The following AGBL1 variants were observed in gnomAD, a reference collection of about 807,000 sequenced individuals.
The protein encoded by AGBL1 is AGBL carboxypeptidase 1.
A neutral mutation model predicts 118.9 loss-of-function variants in AGBL1; 130 were observed. That is an observed-to-expected ratio of 1.09 (90% CI 0.95 to 1.26). AGBL1 has a LOEUF of 1.26. Among genes scored for constraint, AGBL1 ranks in the 50% most tolerant of loss-of-function variants. The pLI is 0.00. For missense variants in AGBL1, 1,584 were observed against 1,298.1 expected, an observed-to-expected ratio of 1.22 and a Z score of -3.38; for synonymous variants, 555 against 478.9, an observed-to-expected ratio of 1.16 and a Z score of -2.08.
At chr15:86,847,592 A>G (rs972482355) in intron 22 of AGBL1, among the ~76,000 whole-genome samples, 5 of 152,198 alleles carry the variant, frequency 3.3e-5, no homozygotes, top group South Asian at 2.1e-4. Flanking sequence ...TAATTAAACA[A>G]TGATGTTTGA....
intron 1 of AGBL1, among the ~76,000 whole-genome samples, chr15:86,114,872 G>A (rs1897658408): frequency 1.3e-5 from 2 of 152,166 alleles, no homozygotes; most frequent in Admixed American, 6.5e-5. Context: ...TTCACTTGGA[G>A]CCTCGTTCTG....
chr15:86,634,366 G>A (rs1474973495), intron 21 of AGBL1, among the ~76,000 whole-genome samples: 2 of 152,108 alleles, frequency 1.3e-5, no homozygotes, highest in African/African-American at 2.4e-5. Context: ...TCCATAGGGT[G>A]GATTTGATGG....
At chr15:86,633,166 C>A (rs1343278525) in intron 21 of AGBL1, among the ~76,000 whole-genome samples, 1 of 151,984 alleles carries the variant, frequency 6.6e-6, no homozygotes, top group Non-Finnish European at 1.5e-5. Context: ...ATCTGACTAC[C>A]ATTTAATACT....
intron 5 of AGBL1, among the ~76,000 whole-genome samples, chr15:86,216,744 GTCT>G (rs1326204189): frequency 1.3e-5 from 2 of 152,146 alleles, no homozygotes; most frequent in African/African-American, 4.8e-5. Flanking sequence ...TGTCAGAGAA[GTCT>G]TCTTAAAACA....
chr15:86,357,371 C>G (rs958096314), intron 17 of AGBL1, among the ~76,000 whole-genome samples: 3 of 152,188 alleles, frequency 2.0e-5, no homozygotes, highest in African/African-American at 7.2e-5. Context: ...GGATGCTGTA[C>G]AGAGAATTAT....
chr15:86,416,787 A>G (rs1003132418), intron 18 of AGBL1, among the ~76,000 whole-genome samples: 4 of 152,196 alleles, frequency 2.6e-5, no homozygotes, highest in Admixed American at 2.6e-4. Context: ...AATAGTATTG[A>G]GAATCATTTT....
intron 16 of AGBL1, among the ~76,000 whole-genome samples, chr15:86,282,160 A>T (rs1317726687): frequency 6.6e-6 from 1 of 152,120 alleles, no homozygotes; most frequent in African/African-American, 2.4e-5. Context: ...TTTGCAATTG[A>T]TAAATAACTC....
chr15:86,361,326 A>G (rs1325730968), intron 17 of AGBL1, among the ~76,000 whole-genome samples: 2 of 152,056 alleles, frequency 1.3e-5, no homozygotes, highest in Admixed American at 1.3e-4. Context: ...AATAATTACA[A>G]TCTTCTTGAA....
intron 18 of AGBL1, among the ~76,000 whole-genome samples, chr15:86,479,952 G>A (rs968851490): frequency 6.6e-6 from 1 of 152,124 alleles, no homozygotes; most frequent in African/African-American, 2.4e-5. Flanking sequence ...GGATGAAGCT[G>A]GAAACCATCA....
chr15:86,133,568 G>A (rs1178854393), intron 1 of AGBL1, among the ~76,000 whole-genome samples: 1 of 152,198 alleles, frequency 6.6e-6, no homozygotes, highest in Non-Finnish European at 1.5e-5. Flanking sequence ...ACCTAGCGCA[G>A]TTCCTGGTAC....
chr15:86,720,404 T>C (rs1289573224), intron 22 of AGBL1, among the ~76,000 whole-genome samples: 1 of 152,238 alleles, frequency 6.6e-6, no homozygotes, highest in Non-Finnish European at 1.5e-5. Context: ...AACCAACTTA[T>C]TTTTGTTCTT....
Position 86,178,979 on chromosome 15 carries a change from G to A in AGBL1, c.488+19953G>A, listed in dbSNP as rs562472244. Among the ~76,000 whole-genome samples the A allele has an allele frequency of 3.9e-5, 6 of 152,330 alleles. No individual in the cohort carries two copies. In the South Asian group the frequency reaches 1.2e-3, roughly 32 times the overall value. On this transcript the variant is annotated intron_variant, in intron 5 of 22. Transcript: ENST00000614907. ...GGGCCAAAGGCTTTTCCCAGACAAA[G>A]CATGCGAAGGGTAGAGGATATAGGT...
chr15:86,684,369 A>G (rs1321136396), intron 22 of AGBL1, among the ~76,000 whole-genome samples: 1 of 152,098 alleles, frequency 6.6e-6, no homozygotes, highest in Non-Finnish European at 1.5e-5. Flanking sequence ...GCTACATTCT[A>G]CTGTACCCAA....
intron 17 of AGBL1, among the ~76,000 whole-genome samples, chr15:86,330,579 G>A (rs1214546347): frequency 6.6e-6 from 1 of 152,212 alleles, no homozygotes; most frequent in Non-Finnish European, 1.5e-5. Flanking sequence ...AAATCTGAAT[G>A]TAGTGATACC....
At chr15:86,673,559 T>A (rs2085783219) in intron 21 of AGBL1, among the ~76,000 whole-genome samples, 3 of 152,300 alleles carry the variant, frequency 2.0e-5, no homozygotes, top group South Asian at 4.1e-4. Context: ...ATCTGTAGAA[T>A]GGAGAAAAGA....
intron 21 of AGBL1, among the ~76,000 whole-genome samples, chr15:86,569,210 T>C (rs1331862753): frequency 6.6e-6 from 1 of 152,124 alleles, no homozygotes; most frequent in East Asian, 1.9e-4. Context: ...GGTGGGAGAA[T>C]AGCCTGAGTC....
intron 22 of AGBL1, among the ~76,000 whole-genome samples, chr15:86,795,196 A>G (rs1480654293): frequency 1.3e-5 from 2 of 152,170 alleles, no homozygotes; most frequent in Admixed American, 6.5e-5. Context: ...CAGATCGTCA[A>G]TTTCCATTGA....
At chr15:86,903,449 T>C (rs2347458) in intron 22 of AGBL1, among the ~76,000 whole-genome samples, 37,513 of 152,006 alleles carry the variant, frequency 0.25, 5,207 homozygotes, top group African/African-American at 0.39. Context: ...CATAATTACT[T>C]ATGGCAACAC....
chr15:86,839,335 G>C (rs2079214421), intron 22 of AGBL1, among the ~76,000 whole-genome samples: 1 of 152,166 alleles, frequency 6.6e-6, no homozygotes, highest in Non-Finnish European at 1.5e-5. Flanking sequence ...GTAATCGTCA[G>C]ACAAGCAACT....
Sources: allele counts gnomAD v4.1 joint callset (sites outside exome capture counted in the v4.1 genomes callset), GRCh38; gene constraint gnomAD v4.1.1; transcripts MANE v1.5; gene names NCBI Gene and HGNC (gene_info 2026-07-23, HGNC 2026-07-21).